The following VWC2L variants were observed in gnomAD, a reference collection of about 807,000 sequenced individuals.
The protein encoded by VWC2L is von Willebrand factor C domain-containing protein 2-like.
Under a neutral mutation model 21.6 loss-of-function variants are expected in VWC2L, and 10 were observed. The observed-to-expected ratio is 0.46, with a 90% CI of 0.29 to 0.78. The LOEUF (loss-of-function observed/expected upper bound fraction) is 0.78. VWC2L is among the 30% of genes least tolerant of loss of function. The probability of loss-of-function intolerance (pLI) is 0.10; values close to 1 mark genes in which losing one functional copy is unlikely to be tolerated. For missense variants in VWC2L, 209 were observed against 277.1 expected (o/e 0.75, Z 1.74); for synonymous variants, 96 against 94.3 (o/e 1.02, Z -0.10).
intron 2 of VWC2L, among the ~76,000 whole-genome samples, chr2:214,421,716 GA>G (rs1476736976): frequency 6.6e-6 from 1 of 151,566 alleles, no homozygotes; most frequent in East Asian, 1.9e-4. Context: ...AGATGAAGCT[GA>G]AAAAAAGAAT....
intron 3 of VWC2L, among the ~76,000 whole-genome samples, chr2:214,567,577 C>CAGAGAGAGAG (rs1197923993): frequency 1.9e-4 from 14 of 73,798 alleles, no homozygotes; most frequent in Non-Finnish European, 2.7e-4. Context: ...CACACACACA[C>CAGAGAGAGAG]ACACACACAC....
chr2:214,563,584 A>G (rs1337634568), intron 3 of VWC2L, among the ~76,000 whole-genome samples: 1 of 147,918 alleles, frequency 6.8e-6, no homozygotes, highest in Non-Finnish European at 1.5e-5. Context: ...AAAAAAAATC[A>G]AGTGGTTCTA....
chr2:214,509,573 G>A (rs1689022183), intron 3 of VWC2L, among the ~76,000 whole-genome samples: 1 of 152,130 alleles, frequency 6.6e-6, no homozygotes, highest in Admixed American at 6.5e-5. Flanking sequence ...GGGTAAGAGG[G>A]GTAGCGGGAA....
intron 3 of VWC2L, among the ~76,000 whole-genome samples, chr2:214,550,785 A>G (rs1012178139): frequency 6.6e-6 from 1 of 152,152 alleles, no homozygotes; most frequent in Non-Finnish European, 1.5e-5. Context: ...CATTTTGTTC[A>G]GTCCTTTACA....
intron 2 of VWC2L, among the ~76,000 whole-genome samples, chr2:214,422,773 G>A (rs1702462057): frequency 6.6e-6 from 1 of 152,124 alleles, no homozygotes; most frequent in Non-Finnish European, 1.5e-5. Flanking sequence ...TGACATCATG[G>A]AAAGAGTGAA....
intron 3 of VWC2L, among the ~76,000 whole-genome samples, chr2:214,484,929 T>C (rs1688655228): frequency 6.6e-6 from 1 of 152,190 alleles, no homozygotes; most frequent in South Asian, 2.1e-4. Flanking sequence ...TTCCAGAGCA[T>C]GGAAATGTAT....
At chr2:214,437,958 C>T (rs981892092) in intron 3 of VWC2L, among the ~76,000 whole-genome samples, 8 of 150,372 alleles carry the variant, frequency 5.3e-5, no homozygotes, top group Admixed American at 6.6e-5. Context: ...TTGCTCATCT[C>T]GCTCCTCTTT....
chr2:214,436,042 G>A (rs887778490), intron 2 of VWC2L: 11 of 151,742 alleles, frequency 7.2e-5, no homozygotes, highest in Admixed American at 5.9e-4. Context: ...AAGATGAAAG[G>A]TATTCACTAC....
In VWC2L at chr2:214,576,985, C is replaced by T. The variant is rs1227069006; in HGVS notation, c.*1165C>T. 1 of 152,100 alleles carries T rather than the reference C, an allele frequency of 6.6e-6. No individual in the cohort carries two copies. The highest frequency in any genetic ancestry group is 1.5e-5 in the Non-Finnish European group (1 of 68,016). The allele number at this position is 152,100 out of a possible 1,614,324, so 9.4% of individuals were successfully genotyped here. A position where few individuals can be genotyped will look rare whatever the true frequency, so the allele number is the denominator to read the frequency against. On this transcript the variant is annotated 3_prime_UTR_variant, in exon 4 of 4. Transcript: ENST00000312504. ...TTTTTTAAAATGTATATATTAGATA[C>T]TGAAAAATTAAAGTGAACCTTTGAA...
chr2:214,416,714 A>C (rs1426451911), intron 2 of VWC2L, among the ~76,000 whole-genome samples: 1 of 152,090 alleles, frequency 6.6e-6, no homozygotes, highest in Non-Finnish European at 1.5e-5. Flanking sequence ...CTTGGATATA[A>C]ATTTTTGAAT....
intron 2 of VWC2L, among the ~76,000 whole-genome samples, chr2:214,435,869 C>G (rs1249333430): frequency 1.3e-5 from 2 of 152,156 alleles, no homozygotes; most frequent in Non-Finnish European, 2.9e-5. Context: ...ATAGAAAATT[C>G]TAAACACTCT....
At chr2:214,455,355 AT>A (rs1202966619) in intron 3 of VWC2L, among the ~76,000 whole-genome samples, 1 of 152,164 alleles carries the variant, frequency 6.6e-6, no homozygotes, top group Non-Finnish European at 1.5e-5. Flanking sequence ...GTTGTTAATA[AT>A]ATTCCCTTAG....
chr2:214,519,264 C>T (rs10932540), intron 3 of VWC2L, among the ~76,000 whole-genome samples: 22,238 of 152,010 alleles, frequency 0.15, 1,937 homozygotes, highest in East Asian at 0.26. Flanking sequence ...TTTCACCCAC[C>T]GAAGAAAAAA....
intron 2 of VWC2L, 85 bp downstream of exon 2, chr2:214,414,668 A>AAAATTT: frequency 7.1e-7 from 1 of 1,410,946 alleles, no homozygotes. Flanking sequence ...TCAGAGTTGG[A>AAAATTT]AAAATGTACT....
In VWC2L at chr2:214,444,269, C is replaced by T. The variant is rs1177517874; in HGVS notation, c.520+7511C>T. Among the ~76,000 whole-genome samples the T allele has an allele frequency of 2.0e-5, 3 of 152,048 alleles. No homozygotes were observed. The East Asian group carries it at 5.8e-4, about 29-fold the overall frequency. On this transcript the variant is annotated intron_variant, in intron 3 of 3. Coordinates refer to ENST00000312504, the MANE Select transcript of VWC2L (RefSeq NM_001080500.4). ...TTAATACCTACTTTATCCCATAATTCTCATATAGAAAGAGCTCTTAGAAAT... is the reference window on the plus strand; with the variant it reads ...TTAATACCTACTTTATCCCATAATTTTCATATAGAAAGAGCTCTTAGAAAT...
chr2:214,522,143 A>T (rs1007454341), intron 3 of VWC2L, among the ~76,000 whole-genome samples: 4 of 152,136 alleles, frequency 2.6e-5, no homozygotes, highest in African/African-American at 9.7e-5. Flanking sequence ...TGGGAGGCCG[A>T]AGCGGGTGGA....
rs754336431 is a variant in VWC2L, at chr2:214,414,593, A to T, written c.390+10A>T. The T allele has an allele frequency of 5.6e-6, 9 of 1,608,464 alleles. No homozygotes were observed. Among genetic ancestry groups the T allele is most frequent in the Middle Eastern group, 1.7e-4 (1 of 6,032 alleles). On this transcript the variant is annotated intron_variant, in intron 2 of 3. Coordinates refer to ENST00000312504, the MANE Select transcript of VWC2L (RefSeq NM_001080500.4). ...CTTGGAGGAATTTAAGGTATGCGTT[A>T]CCCTCCATATTTATTGAAATATCAA...
chr2:214,457,292 T>C (rs1321824940), intron 3 of VWC2L, among the ~76,000 whole-genome samples: 2 of 152,106 alleles, frequency 1.3e-5, no homozygotes, highest in Non-Finnish European at 2.9e-5. Flanking sequence ...TTTAAAGGAA[T>C]TAAAGTCTTG....
At chr2:214,520,861 T>A (rs556001454) in intron 3 of VWC2L, among the ~76,000 whole-genome samples, 17 of 152,250 alleles carry the variant, frequency 1.1e-4, no homozygotes, top group African/African-American at 3.4e-4. Context: ...CATCTGGTGG[T>A]AGAATAACAG....
Sources: allele counts gnomAD v4.1 joint callset (sites outside exome capture counted in the v4.1 genomes callset), GRCh38; gene constraint gnomAD v4.1.1; transcripts MANE v1.5; gene names NCBI Gene and HGNC (gene_info 2026-07-23, HGNC 2026-07-21).